Variants in NBEA observed in about 807,000 individuals in gnomAD.
NBEA encodes the protein neurobeachin.
In NBEA, 44 loss-of-function variants were observed where a neutral mutation model predicts 343.4. The observed-to-expected ratio is 0.13, with a 90% confidence interval of 0.10 to 0.16. The LOEUF (loss-of-function observed/expected upper bound fraction) is 0.16, where lower values mean the gene tolerates loss of function less well. Ranked by LOEUF, NBEA falls within the 10% of genes least tolerant of loss-of-function variation. The pLI is 1.00. For missense variants in NBEA, 2,555 were observed against 3,631.3 expected, an observed-to-expected ratio of 0.70 and a Z score of 7.62; for synonymous variants, 1,175 against 1,238.7, an observed-to-expected ratio of 0.95 and a Z score of 1.08.
chr13:34,952,628 A>G (rs1416765930), intron 1 of NBEA, among the ~76,000 whole-genome samples: 1 of 152,128 alleles, frequency 6.6e-6, no homozygotes, highest in East Asian at 1.9e-4. Flanking sequence ...TATAGAAGGA[A>G]TTATACTAGC....
At chr13:35,660,612 CT>C (rs1400188841) in intron 55 of NBEA, among the ~76,000 whole-genome samples, 1 of 152,188 alleles carries the variant, frequency 6.6e-6, no homozygotes, top group Non-Finnish European at 1.5e-5. Flanking sequence ...GACGCTGACC[CT>C]CCTGCCAGCC....
At chr13:35,643,966 A>G (rs1038499171) in intron 49 of NBEA, among the ~76,000 whole-genome samples, 5 of 152,212 alleles carry the variant, frequency 3.3e-5, no homozygotes, top group African/African-American at 9.6e-5. Flanking sequence ...GAAAGATAGT[A>G]GGTGCTCACT....
At chr13:35,056,917 C>T (rs1345691198) in intron 7 of NBEA, among the ~76,000 whole-genome samples, 1 of 152,086 alleles carries the variant, frequency 6.6e-6, no homozygotes, top group Admixed American at 6.6e-5. Flanking sequence ...GCGGGAAGAT[C>T]ACTTAAATCG....
At chr13:34,963,481 C>A (rs1236562803) in intron 1 of NBEA, among the ~76,000 whole-genome samples, 11 of 151,998 alleles carry the variant, frequency 7.2e-5, no homozygotes, top group South Asian at 2.1e-4. Context: ...TTGAAGTCCT[C>A]ACCTTTAGCA....
intron 36 of NBEA, among the ~76,000 whole-genome samples, chr13:35,340,589 A>T (rs532508356): frequency 7.9e-5 from 12 of 152,192 alleles, no homozygotes; most frequent in African/African-American, 2.9e-4. Flanking sequence ...GTACCACTTA[A>T]CTGTACAATT....
intron 38 of NBEA, among the ~76,000 whole-genome samples, chr13:35,388,249 A>G (rs2042342510): frequency 6.6e-6 from 1 of 152,178 alleles, no homozygotes; most frequent in South Asian, 2.1e-4. Flanking sequence ...AAAGAAATTT[A>G]TTACATTTGG....
chr13:35,098,949 C>T lies in NBEA; in HGVS notation c.1680+544C>T, dbSNP rs182732210. Among the ~76,000 whole-genome samples, 50 of 151,824 alleles carry T rather than the reference C, an allele frequency of 3.3e-4. No individual in the cohort carries two copies. The Middle Eastern group carries it at 0.01, about 31-fold the overall frequency. Reference sequence around the variant, plus strand: ...GACTGAAAATCGTATTTATTATCCACTAGGGGTCTTGGAACTATCGCGTCA... The same window carrying T: ...GACTGAAAATCGTATTTATTATCCATTAGGGGTCTTGGAACTATCGCGTCA... On this transcript the variant is annotated intron_variant, in intron 11 of 58. Coordinates refer to ENST00000379939, the MANE Select transcript of NBEA (RefSeq NM_001385012.1).
intron 14 of NBEA, 26 bp downstream of exon 14, chr13:35,117,519 A>T (rs2066559025): frequency 9.2e-7 from 1 of 1,091,648 alleles, no homozygotes; most frequent in Non-Finnish European, 1.2e-6. Flanking sequence ...ATAATTTAAA[A>T]TAATAGTATA....
At chr13:35,186,288 G>C (rs1470603533) in intron 30 of NBEA, 1 of 152,190 alleles carries the variant, frequency 6.6e-6, no homozygotes, top group Non-Finnish European at 1.5e-5. Context: ...CTGAGCAACA[G>C]AGCAAGACCC....
Position 35,164,764 on chromosome 13 carries a change from T to C in NBEA, c.4233+255T>C, listed in dbSNP as rs187523171. 7.2e-5 allele frequency among the ~76,000 whole-genome samples: 11 copies of C among 152,314 alleles called. No individual in the cohort carries two copies. In the East Asian group the frequency reaches 1.9e-3, roughly 27 times the overall value. On this transcript the variant is annotated intron_variant, in intron 24 of 58. Coordinates refer to ENST00000379939, the MANE Select transcript of NBEA (RefSeq NM_001385012.1). The stretch of plus-strand genomic sequence containing the variant: ...AGTATTGCATTCTTCATCAAAGATA[T>C]TGTATATCTCTTCAAATCTGTAGTA...
intron 41 of NBEA, among the ~76,000 whole-genome samples, chr13:35,535,305 T>C (rs2078482799): frequency 6.6e-6 from 1 of 151,816 alleles, no homozygotes; most frequent in African/African-American, 2.4e-5. Context: ...AGGTGTTTTT[T>C]GTTTAGTTTT....
chr13:35,129,673 G>A (rs1433157990), intron 17 of NBEA, among the ~76,000 whole-genome samples: 2 of 152,004 alleles, frequency 1.3e-5, no homozygotes, highest in Non-Finnish European at 2.9e-5. Context: ...TATAGAAAAG[G>A]GGAAGAGAGA....
At chr13:35,196,936 T>G (rs1275661228) in intron 31 of NBEA, among the ~76,000 whole-genome samples, 6 of 152,168 alleles carry the variant, frequency 3.9e-5, no homozygotes, top group African/African-American at 1.4e-4. Flanking sequence ...ATATGTCATA[T>G]ATCTACATTC....
At chr13:35,350,728 A>ATGTG (rs34088295) in intron 37 of NBEA, among the ~76,000 whole-genome samples, 8,382 of 137,782 alleles carry the variant, frequency 0.061, 294 homozygotes, top group Admixed American at 0.11. Flanking sequence ...AGAGCTATTG[A>ATGTG]TGTGTGTGTG....
chr13:35,427,539 C>G (rs1301401240), intron 38 of NBEA, among the ~76,000 whole-genome samples: 1 of 152,174 alleles, frequency 6.6e-6, no homozygotes, highest in African/African-American at 2.4e-5. Context: ...GTCAGTCCGC[C>G]CCTACTGGGG....
intron 1 of NBEA, among the ~76,000 whole-genome samples, chr13:35,020,017 C>T (rs1389923206): frequency 6.6e-6 from 1 of 151,696 alleles, no homozygotes; most frequent in Admixed American, 6.6e-5. Context: ...TGTTTTTTTC[C>T]CTCTTGTTCT....
At chr13:35,476,512 G>T in intron 41 of NBEA, 1 of 655,636 alleles carries the variant, frequency 1.5e-6, no homozygotes, top group Non-Finnish European at 2.7e-6. Context: ...GTTGCGCTGA[G>T]ACCCAGCAAA....
chr13:35,110,043 TTTTTTTTTA>T (rs2066112489), intron 12 of NBEA, among the ~76,000 whole-genome samples: 1 of 120,452 alleles, frequency 8.3e-6, no homozygotes, highest in Non-Finnish European at 1.8e-5. Context: ...CTTTTTTTTT[TTTTTTTTTA>T]AATGTTTTTT....
rs1226602851 is a variant in NBEA at position 35,472,303 on chromosome 13, G to A, written c.6449-97G>A. 3 of 1,368,984 alleles carry A rather than the reference G, an allele frequency of 2.2e-6. No homozygotes were observed. The African/African-American group carries it at 4.4e-5, about 20-fold the overall frequency. 84.8% of individuals were successfully genotyped at this position (1,368,984 alleles called of 1,614,324 possible). Reference sequence around the variant, plus strand: ...CATAATACAGGCACCATTTTTTCTAGTGCATCCTTACCAATAAAAACCTCT... The same window carrying A: ...CATAATACAGGCACCATTTTTTCTAATGCATCCTTACCAATAAAAACCTCT... On this transcript the variant is annotated intron_variant, in intron 40 of 58. Coordinates refer to ENST00000379939, the MANE Select transcript of NBEA (RefSeq NM_001385012.1).
Sources: allele counts gnomAD v4.1 joint callset (sites outside exome capture counted in the v4.1 genomes callset), GRCh38; gene constraint gnomAD v4.1.1; transcripts MANE v1.5; gene names NCBI Gene and HGNC (gene_info 2026-07-23, HGNC 2026-07-21).